Variants in CDKL1 observed in about 807,000 individuals in gnomAD.
CDKL1 encodes the protein cyclin dependent kinase like 1.
CDKL1 carries 41 observed loss-of-function variants against 42.0 expected under a neutral mutation model. That is an observed-to-expected ratio of 0.98 (90% CI 0.76 to 1.27). The LOEUF is 1.27. Among genes scored for constraint, CDKL1 ranks in the 50% most tolerant of loss-of-function variants. The probability of loss-of-function intolerance (pLI) is 0.00; values close to 1 mark genes in which losing one functional copy is unlikely to be tolerated. For missense variants in CDKL1, 394 were observed against 428.4 expected (o/e 0.92, Z 0.71); for synonymous variants, 153 against 158.6 (o/e 0.96, Z 0.26).
chr14:50,388,158 G>A (rs2035144108), intron 2 of CDKL1, among the ~76,000 whole-genome samples: 1 of 152,160 alleles, frequency 6.6e-6, no homozygotes, highest in Non-Finnish European at 1.5e-5. Flanking sequence ...CAAAGTGCTG[G>A]GATCACAGGC....
intron 2 of CDKL1, chr14:50,362,313 C>T (rs905401945): frequency 5.8e-6 from 2 of 347,168 alleles, no homozygotes; most frequent in Non-Finnish European, 1.1e-5. Context: ...GCAGCTCCAC[C>T]TGTGGCCTGG....
At chr14:50,342,911 G>T (rs868769747) in intron 4 of CDKL1, 1 of 1,340,728 alleles carries the variant, frequency 7.5e-7, no homozygotes. Context: ...CTCACCCTCT[G>T]GGGAGAGTCG....
chr14:50,385,070 C>CAAAAAAAAAAAAA (rs55719234), intron 2 of CDKL1, among the ~76,000 whole-genome samples: 1 of 93,556 alleles, frequency 1.1e-5, no homozygotes, highest in Non-Finnish European at 2.0e-5. Flanking sequence ...GACTCTGTCT[C>CAAAAAAAAAAAAA]AAAAAAAAAA....
intron 3 of CDKL1, chr14:50,357,051 A>G (rs2034077081): frequency 2.0e-5 from 3 of 152,242 alleles, no homozygotes; most frequent in Admixed American, 2.0e-4. Context: ...TCCCTCTGGT[A>G]CCACATAGCC....
At chr14:50,393,765 G>A (rs2035324557) in intron 2 of CDKL1, among the ~76,000 whole-genome samples, 1 of 152,196 alleles carries the variant, frequency 6.6e-6, no homozygotes, top group African/African-American at 2.4e-5. Flanking sequence ...GTCTACATCT[G>A]TGCACTTAAT....
chr14:50,388,990 G>T (rs1487654903), intron 2 of CDKL1, among the ~76,000 whole-genome samples: 2 of 151,332 alleles, frequency 1.3e-5, no homozygotes, highest in Admixed American at 6.6e-5. Context: ...CCTATCTACT[G>T]GGGGAGGCTA....
chr14:50,393,281 G>A (rs2035310708), intron 2 of CDKL1, among the ~76,000 whole-genome samples: 1 of 152,152 alleles, frequency 6.6e-6, no homozygotes, highest in African/African-American at 2.4e-5. Flanking sequence ...AGTCTATAAG[G>A]GGTGAGAGCC....
At chr14:50,335,373 C>G in intron 7 of CDKL1, 1 of 911,834 alleles carries the variant, frequency 1.1e-6, no homozygotes, top group South Asian at 1.5e-5. Flanking sequence ...ATGTTTTTCC[C>G]CTACCCAGGT....
chr14:50,344,812 C>G (rs1321994845), intron 4 of CDKL1, among the ~76,000 whole-genome samples, 174 bp downstream of exon 4: 1 of 152,094 alleles, frequency 6.6e-6, no homozygotes, highest in Non-Finnish European at 1.5e-5. Context: ...TTTATATAAC[C>G]TGAGCAAGAA....
At chr14:50,344,952 C>G in intron 4 of CDKL1, 34 bp downstream of exon 4, 1 of 1,564,738 alleles carries the variant, frequency 6.4e-7, no homozygotes. Flanking sequence ...TAAGGGGAGC[C>G]TTGTTGCTTT....
intron 2 of CDKL1, among the ~76,000 whole-genome samples, chr14:50,369,945 T>C (rs542917861): frequency 1.3e-4 from 19 of 151,704 alleles, no homozygotes; most frequent in African/African-American, 4.6e-4. Flanking sequence ...GGGGTTCAAA[T>C]TAATGTTAGG....
intron 2 of CDKL1, among the ~76,000 whole-genome samples, chr14:50,373,214 T>C (rs1402341854): frequency 1.3e-5 from 2 of 152,202 alleles, no homozygotes; most frequent in East Asian, 3.8e-4. Context: ...GGGAAATATT[T>C]GTTAAAGTTG....
intron 2 of CDKL1, among the ~76,000 whole-genome samples, chr14:50,372,357 A>C (rs1294714444): frequency 6.6e-6 from 1 of 152,194 alleles, no homozygotes; most frequent in African/African-American, 2.4e-5. Flanking sequence ...ACCTCAGGTG[A>C]TCTGCCTGCC....
chr14:50,371,693 A>T (rs1406301637), intron 2 of CDKL1, among the ~76,000 whole-genome samples: 2 of 152,196 alleles, frequency 1.3e-5, no homozygotes, highest in African/African-American at 2.4e-5. Context: ...CTGGGAACAG[A>T]TGGGAGCCTC....
At position 50,367,293 on chromosome 14, in the gene CDKL1, T is replaced by C. The variant is rs374811227; in HGVS notation, c.169-8144A>G. On this transcript the variant is annotated intron_variant, in intron 2 of 9. Coordinates refer to ENST00000395834, the MANE Select transcript of CDKL1 (RefSeq NM_004196.7). ...CCTGGGTTGGGGTCGAGTGACCTTATTGGAAACGGTATCGGTGCAGTGGTG... is the reference window on the plus strand; with the variant it reads ...CCTGGGTTGGGGTCGAGTGACCTTACTGGAAACGGTATCGGTGCAGTGGTG... Among the ~76,000 whole-genome samples, 25 of 152,296 alleles carry C rather than the reference T, an allele frequency of 1.6e-4. No individual in the cohort carries two copies. In the South Asian group the frequency reaches 5.0e-3, roughly 30 times the overall value.
At chr14:50,372,220 C>T (rs563364765) in intron 2 of CDKL1, among the ~76,000 whole-genome samples, 38 of 152,336 alleles carry the variant, frequency 2.5e-4, no homozygotes, top group African/African-American at 9.1e-4. Context: ...TGGGTTCAAA[C>T]AATTCTTGTG....
chr14:50,372,861 G>T (rs921742013), intron 2 of CDKL1, among the ~76,000 whole-genome samples: 3 of 151,588 alleles, frequency 2.0e-5, no homozygotes, highest in African/African-American at 7.3e-5. Flanking sequence ...TTCATTTCTG[G>T]GCTCTCCATT....
chr14:50,377,855 C>T (rs1049648221), intron 2 of CDKL1: 10 of 589,246 alleles, frequency 1.7e-5, no homozygotes, highest in East Asian at 7.6e-5. Context: ...AGGTTAGCCA[C>T]GAACAGTCAT....
intron 8 of CDKL1, chr14:50,332,734 CA>C: frequency 1.4e-6 from 2 of 1,444,810 alleles, no homozygotes; most frequent in Non-Finnish European, 1.9e-6. Context: ...CCTCAGTGGC[CA>C]AATGGGGTAA....
Sources: gnomAD v4.1 joint callset for allele counts (sites outside exome capture counted in the v4.1 genomes callset) on GRCh38, gnomAD v4.1.1 for gene constraint, MANE v1.5 for transcripts, NCBI Gene and HGNC (gene_info 2026-07-23, HGNC 2026-07-21) for gene names.